DNAJC7: variants seen among roughly 807,000 people sequenced by gnomAD.
DNAJC7 encodes the protein DnaJ heat shock protein family (Hsp40) member C7.
In DNAJC7, 18 loss-of-function variants were observed where a neutral mutation model predicts 67.4. That is an observed-to-expected ratio of 0.27 (90% CI 0.18 to 0.40). DNAJC7 has a LOEUF of 0.40. Among genes scored for constraint, DNAJC7 ranks in the 10% least tolerant of loss-of-function variants. DNAJC7 has a pLI of 1.00. For synonymous variants in DNAJC7, 220 were observed against 207.8 expected (o/e 1.06, Z -0.50); for missense variants, 419 against 613.8 (o/e 0.68, Z 3.35).
intron 1 of DNAJC7, chr17:42,013,417 CT>C (rs377554187): frequency 6.1e-4 from 93 of 152,306 alleles, no homozygotes; most frequent in South Asian, 1.5e-3. Flanking sequence ...TTTTGCCCCC[CT>C]ATGGGACTGT....
rs184363989 is a variant in DNAJC7 at position 41,988,616 on chromosome 17, C to T, written c.918+116G>A. ...AAGGGAGTTCCTAACAAACTATTAA[C>T]CATAACAACTTTCCCTCTTTCATCT... On this transcript the variant is annotated intron_variant, in intron 8 of 13. Transcript: ENST00000457167. The T allele has an allele frequency of 1.6e-4, 202 of 1,272,240 alleles. No individual in the cohort carries two copies. In the African/African-American group the frequency reaches 2.9e-3, roughly 18 times the overall value. The allele number at this position is 1,272,240 out of a possible 1,614,324, so 78.8% of individuals were successfully genotyped here. A position where few individuals can be genotyped will look rare whatever the true frequency, so the allele number is the denominator to read the frequency against.
chr17:41,981,690 G>T, intron 12 of DNAJC7, 165 bp downstream of exon 12: 1 of 975,068 alleles, frequency 1.0e-6, no homozygotes, highest in Non-Finnish European at 1.5e-6. Context: ...ACTGCACACT[G>T]TGAACCTGCC....
chr17:41,994,463 G>A (rs1598134395), intron 5 of DNAJC7, among the ~76,000 whole-genome samples: 2 of 150,654 alleles, frequency 1.3e-5, no homozygotes, highest in East Asian at 1.9e-4. Context: ...CCCGGGAGGC[G>A]GAGGTTGCAG....
At chr17:41,990,460 A>G in intron 5 of DNAJC7, 78 bp from the exon 6 acceptor site, 1 of 1,256,140 alleles carries the variant, frequency 8.0e-7, no homozygotes, top group Non-Finnish European at 1.1e-6. Flanking sequence ...AGTCACAGGT[A>G]ACAGACTCAA....
At chr17:41,990,714 T>TG (rs1364410499) in intron 5 of DNAJC7, among the ~76,000 whole-genome samples, 2 of 151,790 alleles carry the variant, frequency 1.3e-5, no homozygotes, top group African/African-American at 4.8e-5. Flanking sequence ...TCACCCAGGC[T>TG]GGAGTGCAGT....
intron 6 of DNAJC7, among the ~76,000 whole-genome samples, chr17:41,989,920 G>C (rs1354148904): frequency 1.3e-5 from 2 of 152,244 alleles, no homozygotes; most frequent in East Asian, 1.9e-4. Context: ...AGTTGAGTTA[G>C]TTGCAACAGA....
chr17:41,982,032 C>T, intron 11 of DNAJC7, 25 bp from the exon 12 acceptor site: 1 of 1,593,834 alleles, frequency 6.3e-7, no homozygotes, highest in Non-Finnish European at 8.5e-7. Context: ...AAAAGAACAA[C>T]TCAGTGGAAA....
At chr17:41,991,811 T>C (rs930657692) in intron 5 of DNAJC7, among the ~76,000 whole-genome samples, 2 of 152,002 alleles carry the variant, frequency 1.3e-5, no homozygotes, top group East Asian at 3.9e-4. Context: ...TCATGAGTAG[T>C]TGGGACTGCA....
At chr17:42,002,802 A>G (rs1168628661) in intron 1 of DNAJC7, among the ~76,000 whole-genome samples, 1 of 152,224 alleles carries the variant, frequency 6.6e-6, no homozygotes, top group Non-Finnish European at 1.5e-5. Context: ...TATGTAAGAC[A>G]TGGACAATAC....
intron 5 of DNAJC7, chr17:41,992,547 C>A (rs1555647930): frequency 6.6e-6 from 1 of 152,116 alleles, no homozygotes; most frequent in African/African-American, 2.4e-5. Flanking sequence ...TGTCCTGCCC[C>A]CCCAGATGGA....
chr17:41,988,615 A>G (rs1010336159), intron 8 of DNAJC7, 117 bp downstream of exon 8: 1 of 1,265,176 alleles, frequency 7.9e-7, no homozygotes, highest in Non-Finnish European at 1.1e-6. Flanking sequence ...CAAACTATTA[A>G]CCATAACAAC....
rs532671126 is a variant in DNAJC7, at chr17:42,017,363, C to T, written c.54G>A (p.Leu18=). The T allele has an allele frequency of 1.7e-5, 27 of 1,611,250 alleles. No individual in the cohort carries two copies. The East Asian group carries it at 4.9e-4, about 29-fold the overall frequency. ...ACCTCTTCGCCTCTTGGTCGTCGAGCAGCTCCGGCTCGGTCGCCGCCATTA... is the reference window on the plus strand; with the variant it reads ...ACCTCTTCGCCTCTTGGTCGTCGAGTAGCTCCGGCTCGGTCGCCGCCATTA... ...DVVMAATEPE[L]LDDQEAKREA... The change falls in exon 1 of 14, where the codon CTG becomes CTA. Residue 18 remains leucine (L), a synonymous_variant. Transcript: ENST00000457167.
Sources: gnomAD v4.1 joint callset for allele counts (sites outside exome capture counted in the v4.1 genomes callset) on GRCh38, gnomAD v4.1.1 for gene constraint, MANE v1.5 for transcripts, NCBI Gene and HGNC (gene_info 2026-07-23, HGNC 2026-07-21) for gene names.